The following RANBP2 variants were observed in gnomAD, a reference collection of about 807,000 sequenced individuals.
The protein encoded by RANBP2 is E3 SUMO-protein ligase RanBP2.
In RANBP2, 57 loss-of-function variants were observed where a neutral mutation model predicts 303.6. The ratio of observed to expected loss-of-function variants is 0.19; its 90% CI spans 0.15 to 0.23. RANBP2 has a LOEUF of 0.23. RANBP2 is among the 10% of genes least tolerant of loss of function. RANBP2 has a pLI of 1.00. For missense variants in RANBP2, 3,138 were observed against 3,780.8 expected (o/e 0.83, Z 4.46); for synonymous variants, 1,167 against 1,301.5 (o/e 0.90, Z 2.23).
the RANBP2 span, among the ~76,000 whole-genome samples, chr2:109,142,232 C>T: frequency 6.6e-6 from 1 of 152,164 alleles, no homozygotes; most frequent in African/African-American, 2.4e-5. Context: ...TGTGCATTTC[C>T]AGTTCTTTGC....
rs752264665 is a variant in RANBP2, at chr2:108,773,065, A to G, written c.8292+19A>G. The G allele has an allele frequency of 1.9e-5, 30 of 1,597,724 alleles. No homozygotes were observed. Among genetic ancestry groups the G allele is most frequent in the Non-Finnish European group, 2.6e-5 (30 of 1,169,942 alleles). On this transcript the variant is annotated intron_variant, in intron 23 of 28. Coordinates refer to ENST00000283195, the MANE Select transcript of RANBP2 (RefSeq NM_006267.5). ...AGCTCAAGTAAGAACATCTCTAATA[A>G]ATTTTCCTTCTAGTTCCATTGCCTT...
chr2:109,340,592 A>C, the RANBP2 span, among the ~76,000 whole-genome samples: 5 of 152,206 alleles, frequency 3.3e-5, no homozygotes, highest in Non-Finnish European at 7.3e-5. Context: ...TACACTTAGA[A>C]GCATCTGCCT....
chr2:109,635,352 A>G, the RANBP2 span, among the ~76,000 whole-genome samples: 1 of 152,008 alleles, frequency 6.6e-6, no homozygotes, highest in Non-Finnish European at 1.5e-5. Context: ...CCGACTAATT[A>G]TTGTAATTTT....
chr2:108,764,139 A>G lies in RANBP2; in HGVS notation c.3600A>G (p.Lys1200=), dbSNP rs1405998649. The G allele has an allele frequency of 6.2e-7, 1 of 1,614,104 alleles. No individual in the cohort carries two copies. The highest frequency in any genetic ancestry group is 8.5e-7 in the Non-Finnish European group (1 of 1,180,000). ...DEEEFFCNRA[K]LFRFDVESKE... Reference sequence around the variant, plus strand: ...AAGAATTCTTTTGCAACCGCGCGAAATTGTTTCGTTTCGATGTAGAATCCA... The same window carrying G: ...AAGAATTCTTTTGCAACCGCGCGAAGTTGTTTCGTTTCGATGTAGAATCCA... The change falls in exon 20 of 29, where the codon AAA becomes AAG. Residue 1200 remains lysine (K), a synonymous_variant. Coordinates refer to ENST00000283195, the MANE Select transcript of RANBP2 (RefSeq NM_006267.5).
the RANBP2 span, among the ~76,000 whole-genome samples, chr2:108,854,322 A>G: frequency 1.7e-3 from 251 of 151,466 alleles, no homozygotes; most frequent in Admixed American, 4.0e-3. Context: ...AGTTACTTCA[A>G]CTCTATAGTC....
At chr2:108,968,044 A>G in the RANBP2 span, among the ~76,000 whole-genome samples, 12 of 152,296 alleles carry the variant, frequency 7.9e-5, no homozygotes, top group East Asian at 2.3e-3. Flanking sequence ...ACATGCGCCC[A>G]CTGTCCCAAG....
At chr2:109,364,817 G>A in the RANBP2 span, among the ~76,000 whole-genome samples, 9 of 152,326 alleles carry the variant, frequency 5.9e-5, no homozygotes, top group African/African-American at 1.7e-4. Context: ...GGGGCCAGAT[G>A]TGGTGGCTCA....
At chr2:109,299,468 G>T in the RANBP2 span, among the ~76,000 whole-genome samples, 1 of 152,034 alleles carries the variant, frequency 6.6e-6, no homozygotes, top group African/African-American at 2.4e-5. Context: ...AGCCACCAGG[G>T]CCTTTTGAAG....
chr2:109,764,227 C>A, the RANBP2 span, among the ~76,000 whole-genome samples: 1 of 149,582 alleles, frequency 6.7e-6, no homozygotes, highest in Non-Finnish European at 1.5e-5. Context: ...GCACCCGACA[C>A]TGTAGCTTTG....
chr2:109,160,643 C>A, the RANBP2 span, among the ~76,000 whole-genome samples: 1 of 152,268 alleles, frequency 6.6e-6, no homozygotes, highest in Non-Finnish European at 1.5e-5. Context: ...CCACCAGGTC[C>A]CAGAACTCAA....
chr2:109,535,205 A>G, the RANBP2 span, among the ~76,000 whole-genome samples: 1 of 152,226 alleles, frequency 6.6e-6, no homozygotes, highest in African/African-American at 2.4e-5. Flanking sequence ...TGTGGACCTC[A>G]GTATGCTGGC....
At chr2:109,027,259 A>AC in the RANBP2 span, among the ~76,000 whole-genome samples, 1 of 151,302 alleles carries the variant, frequency 6.6e-6, no homozygotes, top group Non-Finnish European at 1.5e-5. Flanking sequence ...AAAAAAAAAA[A>AC]AAAAACAAGG....
chr2:108,976,662 C>T, the RANBP2 span, among the ~76,000 whole-genome samples: 4 of 152,108 alleles, frequency 2.6e-5, no homozygotes, highest in Non-Finnish European at 4.4e-5. Context: ...TCAGTGTGAA[C>T]ACATGGGTAT....
the RANBP2 span, chr2:109,449,206 C>T: frequency 1.2e-6 from 2 of 1,613,610 alleles, no homozygotes; most frequent in African/African-American, 2.7e-5. Context: ...GACCGGCCAA[C>T]TGCCACCGTG....
At chr2:109,055,366 C>CTTTTTTTTTTTTTTTTTTTTT in the RANBP2 span, among the ~76,000 whole-genome samples, 3 of 133,460 alleles carry the variant, frequency 2.2e-5, no homozygotes, top group Admixed American at 7.9e-5. Flanking sequence ...TTTTTCTTTT[C>CTTTTTTTTTTTTTTTTTTTTT]TTTTTTTTTT....
At chr2:109,418,009 C>G in the RANBP2 span, among the ~76,000 whole-genome samples, 6 of 152,200 alleles carry the variant, frequency 3.9e-5, no homozygotes, top group African/African-American at 1.2e-4. Context: ...GGCTCTCCCT[C>G]CCATCTGTGT....
At chr2:109,085,009 A>G in the RANBP2 span, among the ~76,000 whole-genome samples, 1 of 152,214 alleles carries the variant, frequency 6.6e-6, no homozygotes, top group South Asian at 2.1e-4. Flanking sequence ...ATGACAGAGC[A>G]GTTGCTCTCA....
the RANBP2 span, among the ~76,000 whole-genome samples, chr2:109,064,954 G>A: frequency 4.6e-5 from 7 of 152,294 alleles, no homozygotes; most frequent in East Asian, 5.8e-4. Flanking sequence ...AAAATTTCAC[G>A]AGATTTTGGC....
chr2:109,514,418 A>C, the RANBP2 span, among the ~76,000 whole-genome samples: 1 of 152,104 alleles, frequency 6.6e-6, no homozygotes, highest in African/African-American at 2.4e-5. Context: ...AGGGCTAGTG[A>C]ATTATGACTG....
Sources: allele counts gnomAD v4.1 joint callset (sites outside exome capture counted in the v4.1 genomes callset), GRCh38; gene constraint gnomAD v4.1.1; transcripts MANE v1.5; gene names NCBI Gene and HGNC (gene_info 2026-07-23, HGNC 2026-07-21).